The following CNTN4 variants were observed in gnomAD, a reference collection of about 807,000 sequenced individuals.
CNTN4 encodes contactin 4, also known as contactin-4.
Under a neutral mutation model 122.5 loss-of-function variants are expected in CNTN4, and 77 were observed. The observed-to-expected ratio is 0.63, with a 90% CI of 0.52 to 0.76. CNTN4 has a LOEUF of 0.76. Among genes scored for constraint, CNTN4 ranks in the 30% least tolerant of loss-of-function variants. CNTN4 has a pLI of 0.00. For synonymous variants in CNTN4, 512 were observed against 447.0 expected, an observed-to-expected ratio of 1.15 and a Z score of -1.83; for missense variants, 1,256 against 1,259.1, an observed-to-expected ratio of 1.00 and a Z score of 0.04.
chr3:2,750,677 C>G (rs948677159), intron 6 of CNTN4, among the ~76,000 whole-genome samples: 1 of 152,206 alleles, frequency 6.6e-6, no homozygotes, highest in Admixed American at 6.6e-5. Flanking sequence ...CTCACTGTCA[C>G]TTAGCCTACT....
chr3:2,211,536 A>G (rs1039877948), intron 2 of CNTN4, among the ~76,000 whole-genome samples: 1 of 152,186 alleles, frequency 6.6e-6, no homozygotes, highest in Non-Finnish European at 1.5e-5. Context: ...TACATGGATT[A>G]TAATAAACCC....
In CNTN4 at chr3:2,571,503, G is replaced by C; in HGVS notation, c.-1G>C. ...ACTCCCTTTGACCTCGGAAACTGAA[G>C]ATGAGGTTGCCATGGGAACTGCTGG... On this transcript the variant is annotated 5_prime_UTR_variant, in exon 4 of 25. Coordinates refer to ENST00000418658, the MANE Select transcript of CNTN4 (RefSeq NM_175607.3). The C allele has an allele frequency of 1.2e-6, 2 of 1,612,790 alleles. No homozygotes were observed. Among genetic ancestry groups the C allele is most frequent in the Non-Finnish European group, 1.7e-6 (2 of 1,178,744 alleles).
chr3:2,189,464 A>G (rs2171475), intron 2 of CNTN4, among the ~76,000 whole-genome samples: 21,214 of 152,174 alleles, frequency 0.14, 1,686 homozygotes, highest in East Asian at 0.25. Flanking sequence ...AACGTGGTAT[A>G]TGGTAGTGCT....
At chr3:2,674,496 C>T (rs112348403) in intron 4 of CNTN4, among the ~76,000 whole-genome samples, 1 of 152,182 alleles carries the variant, frequency 6.6e-6, no homozygotes, top group Admixed American at 6.5e-5. Context: ...CTGGCTCATG[C>T]CTATAATCCC....
chr3:2,935,568 G>A (rs771962700), intron 13 of CNTN4, among the ~76,000 whole-genome samples: 12 of 152,120 alleles, frequency 7.9e-5, no homozygotes, highest in South Asian at 4.1e-4. Context: ...TATCTGTCAC[G>A]TATCTCCCTG....
intron 4 of CNTN4, among the ~76,000 whole-genome samples, chr3:2,668,787 G>T (rs566263817): frequency 2.6e-4 from 39 of 152,282 alleles, no homozygotes; most frequent in Non-Finnish European, 4.9e-4. Flanking sequence ...AATTTATTGA[G>T]AGTTTTTAGC....
At chr3:2,750,039 A>C (rs1382820234) in intron 6 of CNTN4, among the ~76,000 whole-genome samples, 5 of 152,150 alleles carry the variant, frequency 3.3e-5, no homozygotes, top group African/African-American at 4.8e-5. Context: ...TTAATCATAC[A>C]ATTTTATGGT....
chr3:2,550,127 T>G (rs1224698958), intron 3 of CNTN4, among the ~76,000 whole-genome samples: 1 of 152,182 alleles, frequency 6.6e-6, no homozygotes, highest in East Asian at 1.9e-4. Flanking sequence ...TTATCTATTT[T>G]GTCAATCTTT....
intron 6 of CNTN4, among the ~76,000 whole-genome samples, chr3:2,764,751 C>A (rs2090764861): frequency 6.6e-6 from 1 of 152,188 alleles, no homozygotes; most frequent in Non-Finnish European, 1.5e-5. Flanking sequence ...GTAACAATAA[C>A]AGGAGCTAAC....
chr3:2,922,555 GA>G (rs1396455736), intron 12 of CNTN4, among the ~76,000 whole-genome samples: 2 of 149,858 alleles, frequency 1.3e-5, no homozygotes, highest in African/African-American at 4.9e-5. Flanking sequence ...TGCAGGGTTA[GA>G]TAACTTCAGA....
chr3:2,161,818 T>C (rs1236264899), intron 2 of CNTN4, among the ~76,000 whole-genome samples: 1 of 152,174 alleles, frequency 6.6e-6, no homozygotes, highest in Non-Finnish European at 1.5e-5. Context: ...GTTGAGGAAT[T>C]CCTGTTTCTT....
chr3:3,019,779 T>TACACACACATGC (rs1190076662), intron 14 of CNTN4, among the ~76,000 whole-genome samples: 1 of 88,804 alleles, frequency 1.1e-5, no homozygotes, highest in Non-Finnish European at 2.3e-5. Flanking sequence ...TATATATATA[T>TACACACACATGC]ATATATATAT....
Position 2,326,621 on chromosome 3 carries a change from C to G in CNTN4, c.-144-12557C>G, listed in dbSNP as rs531468401. Among the ~76,000 whole-genome samples, 3 of 152,248 alleles carry G rather than the reference C, an allele frequency of 2.0e-5. No individual in the cohort carries two copies. The South Asian group carries it at 6.2e-4, about 32-fold the overall frequency. The stretch of plus-strand genomic sequence containing the variant: ...ACTATCGCATAAATTAAGCAATGAT[C>G]TCTATAACTTCTTCAGTCTGAGAAC... On this transcript the variant is annotated intron_variant, in intron 2 of 24. Transcript: ENST00000418658.
chr3:3,001,806 G>C (rs892052197), intron 14 of CNTN4, among the ~76,000 whole-genome samples: 4 of 152,152 alleles, frequency 2.6e-5, no homozygotes, highest in Non-Finnish European at 5.9e-5. Context: ...CTAGAGAAGA[G>C]AATGTTTCAA....
chr3:2,842,421 T>C (rs1338182299), intron 7 of CNTN4, among the ~76,000 whole-genome samples: 1 of 152,178 alleles, frequency 6.6e-6, no homozygotes, highest in Admixed American at 6.5e-5. Flanking sequence ...ACTCTAGCTA[T>C]CGTTTTACTC....
chr3:2,824,933 G>C (rs1298422718), intron 7 of CNTN4, among the ~76,000 whole-genome samples: 1 of 152,180 alleles, frequency 6.6e-6, no homozygotes, highest in Non-Finnish European at 1.5e-5. Context: ...AAAGTGCTGG[G>C]ATTACAGGCG....
chr3:2,711,271 T>G (rs544950324), intron 4 of CNTN4, among the ~76,000 whole-genome samples: 1 of 152,280 alleles, frequency 6.6e-6, no homozygotes, highest in East Asian at 1.9e-4. Context: ...CTTTGGTCAG[T>G]GCCTGGGTAA....
chr3:2,111,398 A>C (rs1041005346), intron 2 of CNTN4, among the ~76,000 whole-genome samples: 16 of 152,142 alleles, frequency 1.1e-4, no homozygotes, highest in African/African-American at 3.6e-4. Context: ...AATTGTTACA[A>C]ATTTTTGTAG....
intron 3 of CNTN4, among the ~76,000 whole-genome samples, chr3:2,369,636 G>T (rs972971153): frequency 2.0e-5 from 3 of 152,010 alleles, no homozygotes; most frequent in African/African-American, 7.2e-5. Flanking sequence ...AGAATATCCA[G>T]GTTCTCTTAG....
Sources: allele counts gnomAD v4.1 joint callset (sites outside exome capture counted in the v4.1 genomes callset), GRCh38; gene constraint gnomAD v4.1.1; transcripts MANE v1.5; gene names NCBI Gene and HGNC (gene_info 2026-07-23, HGNC 2026-07-21).